EPS8: variants seen among roughly 807,000 people sequenced by gnomAD.
EPS8 encodes the protein EGFR pathway substrate 8, signaling adaptor.
A neutral mutation model predicts 103.8 loss-of-function variants in EPS8; 42 were observed. The ratio of observed to expected loss-of-function variants is 0.40; its 90% CI spans 0.32 to 0.52. The LOEUF is 0.52. Among genes scored for constraint, EPS8 ranks in the 20% least tolerant of loss-of-function variants. EPS8 has a pLI of 0.40. For missense variants in EPS8, 969 were observed against 1,005.1 expected, an observed-to-expected ratio of 0.96 and a Z score of 0.49; for synonymous variants, 344 against 344.6, an observed-to-expected ratio of 1.00 and a Z score of 0.02.
Position 15,631,512 on chromosome 12 carries a change from GT to G in EPS8, c.1973del (p.Asn658ThrfsTer41). 6.2e-7 allele frequency: 1 copy of G among 1,614,038 alleles called. No individual in the cohort carries two copies. The highest frequency in any genetic ancestry group is 8.5e-7 in the Non-Finnish European group (1 of 1,179,990). On this transcript the variant is annotated frameshift_variant, in exon 18 of 21. Transcript: ENST00000281172. LOFTEE classifies it high-confidence loss of function. ...SKVPANITRQ[N>X]SSSSDSGGSI... ...TGCCACCACTGTCACTGGAGCTGCT[GT>G]TTTGACGTGTTATATTTGCTGGGAC...
rs192913623 is a variant in EPS8 at position 15,734,566 on chromosome 12, C to T, written c.-21-51594G>A. Among the ~76,000 whole-genome samples, 2 of 152,080 alleles carry T rather than the reference C, an allele frequency of 1.3e-5. No individual in the cohort carries two copies. Among genetic ancestry groups the T allele is most frequent in the Admixed American group, 6.6e-5 (1 of 15,266 alleles). ...AGAATTAGCCGGGCATGGTGGTGGGCGCCTGTGGTCCCAGCTACTCGGGAG... is the reference window on the plus strand; with the variant it reads ...AGAATTAGCCGGGCATGGTGGTGGGTGCCTGTGGTCCCAGCTACTCGGGAG... On this transcript the variant is annotated intron_variant, in intron 1 of 20. Transcript: ENST00000281172. The surrounding 1 kb of genome is among the most constrained non-coding windows in gnomAD (Gnocchi z 4.1).
chr12:15,621,876 C>T (rs1297608033), intron 20 of EPS8, among the ~76,000 whole-genome samples: 5 of 152,098 alleles, frequency 3.3e-5, no homozygotes, highest in Admixed American at 6.6e-5. Flanking sequence ...TCTGACCCTC[C>T]GACCATGCTG....
At chr12:15,664,512 A>G (rs1006603418) in intron 8 of EPS8, among the ~76,000 whole-genome samples, 27 of 152,198 alleles carry the variant, frequency 1.8e-4, no homozygotes, top group African/African-American at 5.8e-4. Context: ...ATTCAGAGCA[A>G]CCCATGAATT....
rs543242672 is a variant in EPS8, at chr12:15,703,063, C to T, written c.-21-20091G>A. ...ACTCGGGAGGCTGAGCCACAAGAAT[C>T]GCTTGAACCCAAGAGGTGGAAGTTG... On this transcript the variant is annotated intron_variant, in intron 1 of 20. Transcript: ENST00000281172. Among the ~76,000 whole-genome samples the T allele has an allele frequency of 2.6e-5, 4 of 152,266 alleles. No homozygotes were observed. The South Asian group carries it at 6.2e-4, about 24-fold the overall frequency.
intron 7 of EPS8, among the ~76,000 whole-genome samples, 176 bp downstream of exon 7, chr12:15,666,264 G>T (rs1375125366): frequency 6.6e-6 from 1 of 152,202 alleles, no homozygotes; most frequent in African/African-American, 2.4e-5. Flanking sequence ...AAAATATGGA[G>T]AGAAGAGGAG....
intron 1 of EPS8, among the ~76,000 whole-genome samples, chr12:15,763,825 A>G (rs1947065939): frequency 6.6e-6 from 1 of 152,174 alleles, no homozygotes; most frequent in South Asian, 2.1e-4. Context: ...TACATAATCC[A>G]ATGCCTCTAC....
At chr12:15,726,684 A>G (rs2970184) in intron 1 of EPS8, among the ~76,000 whole-genome samples, 16,357 of 152,212 alleles carry the variant, frequency 0.11, 2,880 homozygotes, top group African/African-American at 0.37. Context: ...AAATTTTGAA[A>G]TGACAATCTG....
At chr12:15,774,462 T>C (rs1395393924) in intron 1 of EPS8, among the ~76,000 whole-genome samples, 1 of 151,596 alleles carries the variant, frequency 6.6e-6, no homozygotes, top group Non-Finnish European at 1.5e-5. Context: ...CAACCATCTG[T>C]CTAGTAAGTA....
intron 14 of EPS8, among the ~76,000 whole-genome samples, 188 bp downstream of exon 14, chr12:15,650,635 G>T (rs961383480): frequency 6.6e-6 from 1 of 152,044 alleles, no homozygotes; most frequent in Non-Finnish European, 1.5e-5. Context: ...GCTTCACGGA[G>T]GAACAGAGCA....
intron 1 of EPS8, among the ~76,000 whole-genome samples, chr12:15,750,629 C>G (rs920254163): frequency 4.6e-5 from 7 of 152,188 alleles, no homozygotes; most frequent in South Asian, 2.1e-4. Context: ...AACAACTGCT[C>G]AACACCAACC....
chr12:15,758,925 T>C (rs1342310842), intron 1 of EPS8, among the ~76,000 whole-genome samples: 4 of 152,166 alleles, frequency 2.6e-5, no homozygotes, highest in Non-Finnish European at 4.4e-5. Context: ...ATTCAAATAC[T>C]GTAAAATGCT....
At position 15,734,873 on chromosome 12, in the gene EPS8, T is replaced by A. The variant is rs1460460477; in HGVS notation, c.-21-51901A>T. Among the ~76,000 whole-genome samples the A allele has an allele frequency of 1.3e-5, 2 of 152,220 alleles. No individual in the cohort carries two copies. Among genetic ancestry groups the A allele is most frequent in the African/African-American group, 2.4e-5 (1 of 41,454 alleles). On this transcript the variant is annotated intron_variant, in intron 1 of 20. Coordinates refer to ENST00000281172, the MANE Select transcript of EPS8 (RefSeq NM_004447.6). This position sits in a 1 kb window ranked among gnomAD's most constrained non-coding sequence, Gnocchi z 4.1. ...TATCGATGATCTCAATTGATTCTTA[T>A]AATATGTAAGCTGGAAGGTAAGCAG... is the stretch of plus-strand genomic sequence containing the variant.
At chr12:15,768,538 T>A (rs1442122246) in intron 1 of EPS8, among the ~76,000 whole-genome samples, 19 of 151,992 alleles carry the variant, frequency 1.3e-4, no homozygotes, top group African/African-American at 4.1e-4. Flanking sequence ...AAATATTAAT[T>A]AATAAGAACA....
At chr12:15,719,969 G>C (rs1054806685) in intron 1 of EPS8, among the ~76,000 whole-genome samples, 2 of 152,164 alleles carry the variant, frequency 1.3e-5, no homozygotes, top group South Asian at 4.1e-4. Flanking sequence ...TATTTTCCTG[G>C]CTATACAATT....
At chr12:15,766,131 GA>G (rs1235194770) in intron 1 of EPS8, among the ~76,000 whole-genome samples, 1 of 150,184 alleles carries the variant, frequency 6.7e-6, no homozygotes, top group Non-Finnish European at 1.5e-5. Context: ...TTTTAACAGA[GA>G]AAAAAAATAC....
At chr12:15,686,494 T>C (rs2135901335) in intron 1 of EPS8, among the ~76,000 whole-genome samples, 1 of 152,184 alleles carries the variant, frequency 6.6e-6, no homozygotes, top group East Asian at 1.9e-4. Context: ...ACTATAATTT[T>C]ATCTTTATTT....
chr12:15,642,675 C>T (rs1945253066), intron 15 of EPS8, among the ~76,000 whole-genome samples: 1 of 152,134 alleles, frequency 6.6e-6, no homozygotes, highest in Admixed American at 6.5e-5. Flanking sequence ...CATTTACATT[C>T]CCACATTTAT....
rs1343753589 is a variant in EPS8 at position 15,785,938 on chromosome 12, T to C, written c.-22+3223A>G. ...TATTTATATAATATATATATATCCATGAGTCCAGAACAAAATAAATATGAT... is the reference window on the plus strand; with the variant it reads ...TATTTATATAATATATATATATCCACGAGTCCAGAACAAAATAAATATGAT... On this transcript the variant is annotated intron_variant, in intron 1 of 20. Coordinates refer to ENST00000281172, the MANE Select transcript of EPS8 (RefSeq NM_004447.6). The surrounding 1 kb of genome is among the most constrained non-coding windows in gnomAD (Gnocchi z 4.9). Among the ~76,000 whole-genome samples, 1 of 151,644 alleles carries C rather than the reference T, an allele frequency of 6.6e-6. No homozygotes were observed. Among genetic ancestry groups the C allele is most frequent in the Non-Finnish European group, 1.5e-5 (1 of 67,846 alleles).
chr12:15,769,085 C>G lies in EPS8; in HGVS notation c.-22+20076G>C, dbSNP rs1391796827. Among the ~76,000 whole-genome samples the G allele has an allele frequency of 6.6e-6, 1 of 152,068 alleles. No individual in the cohort carries two copies. Among genetic ancestry groups the G allele is most frequent in the African/African-American group, 2.4e-5 (1 of 41,404 alleles). On this transcript the variant is annotated intron_variant, in intron 1 of 20. Coordinates refer to ENST00000281172, the MANE Select transcript of EPS8 (RefSeq NM_004447.6). This position sits in a 1 kb window ranked among gnomAD's most constrained non-coding sequence, Gnocchi z 4.6. ...AGCCCCCTTCTTTTCCCATATGCCC[C>G]CAAGTCAAGCCTCATCTCTCTCCCT...
Sources: gnomAD v4.1 joint callset for allele counts (sites outside exome capture counted in the v4.1 genomes callset) on GRCh38, gnomAD v4.1.1 for gene constraint, Gnocchi (gnomAD v3.1) non-coding constraint, MANE v1.5 for transcripts, NCBI Gene and HGNC (gene_info 2026-07-23, HGNC 2026-07-21) for gene names.